Variants in CDK5RAP2 observed in about 807,000 individuals in gnomAD.
CDK5RAP2 encodes the protein CDK5 regulatory subunit-associated protein 2.
Under a neutral mutation model 232.9 loss-of-function variants are expected in CDK5RAP2, and 147 were observed. That is an observed-to-expected ratio of 0.63 (90% CI 0.55 to 0.72). CDK5RAP2 has a LOEUF of 0.72. CDK5RAP2 is among the 30% of genes least tolerant of loss of function. CDK5RAP2 has a pLI of 0.00. For synonymous variants in CDK5RAP2, 833 were observed against 833.7 expected, an observed-to-expected ratio of 1.00 and a Z score of 0.01; for missense variants, 2,195 against 2,231.5, an observed-to-expected ratio of 0.98 and a Z score of 0.33.
Position 120,477,735 on chromosome 9 carries a change from TGAG to T in CDK5RAP2, c.1627-288_1627-286del, listed in dbSNP as rs557518375. 7.4e-3 allele frequency among the ~76,000 whole-genome samples: 1,133 copies of T among 152,336 alleles called. 12 individuals carry two copies. Among genetic ancestry groups the T allele is most frequent in the African/African-American group, 0.025 (1,046 of 41,572 alleles). On this transcript the variant is annotated intron_variant, in intron 14 of 37. Transcript: ENST00000349780. ...CACCAGCTATGGGATTAGCCCATCATGAGTCTGTCATCCCTCAGAGCTGCTGTT... is the reference window on the plus strand; with the variant it reads ...CACCAGCTATGGGATTAGCCCATCATTCTGTCATCCCTCAGAGCTGCTGTT...
At chr9:120,397,544 TAAAAAAAAA>T (rs760469422) in intron 35 of CDK5RAP2, among the ~76,000 whole-genome samples, 1 of 49,196 alleles carries the variant, frequency 2.0e-5, no homozygotes, top group Non-Finnish European at 3.7e-5. Context: ...AAAACATTCT[TAAAAAAAAA>T]AAAAAAAAAA....
intron 2 of CDK5RAP2, among the ~76,000 whole-genome samples, chr9:120,571,013 G>T (rs1414325798): frequency 1.3e-5 from 2 of 152,138 alleles, no homozygotes; most frequent in East Asian, 3.9e-4. Flanking sequence ...ACAAAAATTA[G>T]CCAGGTGTCG....
chr9:120,569,828 T>C (rs1453602729), intron 2 of CDK5RAP2, among the ~76,000 whole-genome samples: 1 of 152,132 alleles, frequency 6.6e-6, no homozygotes, highest in African/African-American at 2.4e-5. Flanking sequence ...GGAAACCAGT[T>C]AGGAGAATAT....
intron 26 of CDK5RAP2, among the ~76,000 whole-genome samples, chr9:120,420,814 C>T (rs996721420): frequency 2.0e-5 from 3 of 152,234 alleles, no homozygotes; most frequent in African/African-American, 7.2e-5. Flanking sequence ...GATGGATGCA[C>T]AGGCTTGCTG....
intron 12 of CDK5RAP2, among the ~76,000 whole-genome samples, chr9:120,501,465 T>G (rs1210624442): frequency 2.0e-5 from 3 of 152,206 alleles, no homozygotes; most frequent in African/African-American, 7.2e-5. Flanking sequence ...GGGAATTTTG[T>G]GTATTTTGTT....
At chr9:120,516,308 T>C (rs567884532) in intron 12 of CDK5RAP2, among the ~76,000 whole-genome samples, 6 of 136,314 alleles carry the variant, frequency 4.4e-5, no homozygotes, top group South Asian at 2.2e-4. Context: ...TAGGTGGGAA[T>C]TGAATAGCGA....
chr9:120,502,406 A>C (rs2039616957), intron 12 of CDK5RAP2, among the ~76,000 whole-genome samples: 1 of 152,208 alleles, frequency 6.6e-6, no homozygotes. Context: ...TATACAAACG[A>C]CTATCAGAAC....
chr9:120,570,191 C>T (rs1480637447), intron 2 of CDK5RAP2, among the ~76,000 whole-genome samples: 1 of 152,098 alleles, frequency 6.6e-6, no homozygotes, highest in East Asian at 1.9e-4. Context: ...GTGGGCAGGG[C>T]AGACTGTGAA....
intron 12 of CDK5RAP2, among the ~76,000 whole-genome samples, chr9:120,497,453 A>AAAAAAAAAAC (rs2039360624): frequency 1.5e-5 from 2 of 130,802 alleles, no homozygotes; most frequent in Admixed American, 7.8e-5. Context: ...AAAAAAAAAA[A>AAAAAAAAAAC]AGAATCATCA....
intron 11 of CDK5RAP2, among the ~76,000 whole-genome samples, chr9:120,523,437 AAC>A (rs1436982240): frequency 6.6e-6 from 1 of 152,254 alleles, no homozygotes; most frequent in Non-Finnish European, 1.5e-5. Flanking sequence ...GAAAAAGAGA[AAC>A]AGTCTAAAGT....
At chr9:120,420,222 A>C (rs2034484882) in intron 26 of CDK5RAP2, among the ~76,000 whole-genome samples, 1 of 152,188 alleles carries the variant, frequency 6.6e-6, no homozygotes, top group Non-Finnish European at 1.5e-5. Flanking sequence ...GAGGGACCCA[A>C]GAGGACTTGG....
At chr9:120,413,795 G>A (rs2034004238) in intron 28 of CDK5RAP2, among the ~76,000 whole-genome samples, 1 of 147,734 alleles carries the variant, frequency 6.8e-6, no homozygotes, top group Admixed American at 6.8e-5. Context: ...TGCAGGAAAT[G>A]GGCGCAGTGA....
intron 12 of CDK5RAP2, among the ~76,000 whole-genome samples, chr9:120,497,920 A>G (rs1257219228): frequency 1.3e-5 from 2 of 152,218 alleles, no homozygotes; most frequent in Non-Finnish European, 2.9e-5. Context: ...CCCAGGGCAT[A>G]AAACCCCTCG....
At chr9:120,419,004 C>T (rs962318701) in intron 27 of CDK5RAP2, among the ~76,000 whole-genome samples, 1 of 152,142 alleles carries the variant, frequency 6.6e-6, no homozygotes, top group African/African-American at 2.4e-5. Context: ...AGCTCTAAGT[C>T]CAATGTAATG....
intron 25 of CDK5RAP2, among the ~76,000 whole-genome samples, chr9:120,436,401 C>T (rs939999050): frequency 3.3e-5 from 5 of 152,126 alleles, no homozygotes; most frequent in Non-Finnish European, 5.9e-5. Context: ...CTAAATGTAA[C>T]GTGGAGACTG....
At chr9:120,527,962 C>A (rs542521131) in intron 9 of CDK5RAP2, 37 bp from the exon 10 acceptor site, 4 of 1,611,424 alleles carry the variant, frequency 2.5e-6, no homozygotes, top group Non-Finnish European at 3.4e-6. Flanking sequence ...TAAGTTGATG[C>A]GTTCCAACCA....
rs149437804 is a variant in CDK5RAP2 at position 120,395,309 on chromosome 9, G to A, written c.5452-671C>T. The stretch of plus-strand genomic sequence containing the variant: ...TCCATGAGCTATGATTTCAAATTGC[G>A]TGATCTTTTTCTTTTACAAAAACTA... On this transcript the variant is annotated intron_variant, in intron 35 of 37. Coordinates refer to ENST00000349780, the MANE Select transcript of CDK5RAP2 (RefSeq NM_018249.6). Among the ~76,000 whole-genome samples, 649 of 152,320 alleles carry A rather than the reference G, an allele frequency of 4.3e-3. 11 individuals are homozygous for A. The highest frequency in any genetic ancestry group is 0.025 in the Admixed American group (381 of 15,296).
intron 27 of CDK5RAP2, among the ~76,000 whole-genome samples, chr9:120,418,551 T>C (rs112745494): frequency 1.4e-3 from 214 of 152,166 alleles, no homozygotes; most frequent in African/African-American, 5.0e-3. Flanking sequence ...ATGGATACAA[T>C]ACAGAAGAAG....
chr9:120,440,042 C>A, intron 23 of CDK5RAP2, 70 bp from the exon 24 acceptor site: 1 of 1,419,496 alleles, frequency 7.0e-7, no homozygotes, highest in South Asian at 1.2e-5. Context: ...TTCCTCACAG[C>A]CCTAGCCAAG....
Sources: gnomAD v4.1 joint callset for allele counts (sites outside exome capture counted in the v4.1 genomes callset) on GRCh38, gnomAD v4.1.1 for gene constraint, MANE v1.5 for transcripts, NCBI Gene and HGNC (gene_info 2026-07-23, HGNC 2026-07-21) for gene names.